The following CRACD variants were observed in gnomAD, a reference collection of about 807,000 sequenced individuals.
CRACD encodes the protein capping protein-inhibiting regulator of actin dynamics.
In CRACD, 56 loss-of-function variants were observed where a neutral mutation model predicts 106.8. That is an observed-to-expected ratio of 0.52 (90% CI 0.42 to 0.66). The LOEUF (loss-of-function observed/expected upper bound fraction) is 0.66, where lower values mean the gene tolerates loss of function less well. Ranked by LOEUF, CRACD falls within the 30% of genes least tolerant of loss-of-function variation. The pLI is 0.00. For missense variants in CRACD, 1,730 were observed against 1,623.2 expected (o/e 1.07, Z -1.13); for synonymous variants, 754 against 670.8 (o/e 1.12, Z -1.92).
intron 2 of CRACD, among the ~76,000 whole-genome samples, chr4:56,201,573 C>T (rs752425675): frequency 4.6e-5 from 7 of 152,062 alleles, no homozygotes; most frequent in East Asian, 3.9e-4. Context: ...GGAAAATAGA[C>T]GGTGGGTATG....
intron 1 of CRACD, among the ~76,000 whole-genome samples, chr4:56,099,208 T>C (rs750244259): frequency 3.9e-5 from 6 of 152,182 alleles, no homozygotes; most frequent in Non-Finnish European, 5.9e-5. Flanking sequence ...ACATGGAAGA[T>C]GTTGGTACAC....
At chr4:56,177,853 A>G (rs991243605) in intron 1 of CRACD, among the ~76,000 whole-genome samples, 5 of 151,880 alleles carry the variant, frequency 3.3e-5, no homozygotes, top group Non-Finnish European at 5.9e-5. Flanking sequence ...ACCTGTTGTA[A>G]TGCCTTCTTT....
chr4:56,057,693 C>T (rs1732124957), intron 1 of CRACD, among the ~76,000 whole-genome samples: 1 of 147,168 alleles, frequency 6.8e-6, no homozygotes, highest in Non-Finnish European at 1.5e-5. Context: ...GGCACAGTCT[C>T]AGCTCACTGC....
intron 1 of CRACD, among the ~76,000 whole-genome samples, chr4:56,071,793 C>T (rs1294342731): frequency 6.6e-6 from 1 of 151,356 alleles, no homozygotes; most frequent in African/African-American, 2.4e-5. Flanking sequence ...TTACAGGCTT[C>T]AGCCACTGCG....
At chr4:56,058,504 C>G (rs1278908405) in intron 1 of CRACD, among the ~76,000 whole-genome samples, 2 of 152,178 alleles carry the variant, frequency 1.3e-5, no homozygotes. Context: ...CCGTGAGTGA[C>G]TGTTTCTTAA....
At chr4:56,106,410 AC>A (rs1733951364) in intron 1 of CRACD, among the ~76,000 whole-genome samples, 2 of 152,334 alleles carry the variant, frequency 1.3e-5, no homozygotes, top group South Asian at 4.1e-4. Flanking sequence ...AACTCTGGAG[AC>A]TGCTAGTGTT....
intron 2 of CRACD, among the ~76,000 whole-genome samples, chr4:56,202,355 T>A (rs1367860436): frequency 6.6e-6 from 1 of 152,210 alleles, no homozygotes; most frequent in Non-Finnish European, 1.5e-5. Flanking sequence ...CAAGTGATTC[T>A]CTTGCCTCGG....
At chr4:56,247,077 C>A (rs1740724387) in intron 2 of CRACD, among the ~76,000 whole-genome samples, 1 of 152,156 alleles carries the variant, frequency 6.6e-6, no homozygotes, top group Non-Finnish European at 1.5e-5. Context: ...TGTGGTATTA[C>A]TAGGACAAGG....
chr4:56,241,523 T>C (rs1740365922), intron 2 of CRACD, among the ~76,000 whole-genome samples: 1 of 152,120 alleles, frequency 6.6e-6, no homozygotes, highest in Non-Finnish European at 1.5e-5. Context: ...TTTCTCTTAT[T>C]CATTTAATAA....
chr4:56,271,747 T>G (rs1742359791), intron 2 of CRACD, among the ~76,000 whole-genome samples: 1 of 152,008 alleles, frequency 6.6e-6, no homozygotes, highest in Admixed American at 6.6e-5. Flanking sequence ...TTTATTTTAT[T>G]TATTTATTTA....
chr4:56,197,876 A>C (rs530384537), intron 2 of CRACD, among the ~76,000 whole-genome samples: 66 of 152,056 alleles, frequency 4.3e-4, no homozygotes, highest in African/African-American at 1.6e-3. Context: ...ACGGGGTTTC[A>C]CCGTGTTAGC....
intron 2 of CRACD, among the ~76,000 whole-genome samples, chr4:56,218,451 C>T (rs1334226167): frequency 1.5e-5 from 2 of 135,538 alleles, no homozygotes; most frequent in Non-Finnish European, 1.6e-5. Context: ...CCATCCCCTC[C>T]CTTTCCTTCC....
intron 2 of CRACD, among the ~76,000 whole-genome samples, chr4:56,258,539 A>G (rs765136555): frequency 2.6e-5 from 4 of 152,192 alleles, no homozygotes; most frequent in African/African-American, 4.8e-5. Context: ...GGAGTTCCCT[A>G]TGTCTAGTTG....
intron 1 of CRACD, among the ~76,000 whole-genome samples, chr4:56,085,083 G>A (rs986965694): frequency 6.6e-6 from 1 of 152,088 alleles, no homozygotes; most frequent in East Asian, 1.9e-4. Flanking sequence ...TGGAGTATGG[G>A]CGTTTGGCAT....
chr4:56,122,015 A>C (rs952759921), intron 1 of CRACD, among the ~76,000 whole-genome samples: 4 of 152,138 alleles, frequency 2.6e-5, no homozygotes, highest in African/African-American at 9.7e-5. Flanking sequence ...TTCATGTTTT[A>C]AAATTCTCTA....
chr4:56,289,396 G>A (rs1451942348), intron 3 of CRACD, among the ~76,000 whole-genome samples: 1 of 152,196 alleles, frequency 6.6e-6, no homozygotes, highest in Admixed American at 6.5e-5. Flanking sequence ...ACTGGGCTGG[G>A]CATGGCGGTT....
Position 56,313,324 on chromosome 4 carries a change from TG to T in CRACD, c.484del (p.Ala162LeufsTer87). The stretch of plus-strand genomic sequence containing the variant: ...GACAACAGTGCCGCCAAGCACAAGC[TG>T]GCTGTTAAGCCAAAAAAACAGAGGG... ...RLDNSAAKHKLAVKPKKQRVS... is the reference protein window; with the variant it reads ...RLDNSAAKHKXAVKPKKQRVS... On this transcript the variant is annotated frameshift_variant, in exon 7 of 11. Coordinates refer to ENST00000682029, the MANE Select transcript of CRACD (RefSeq NM_001393381.1). LOFTEE classifies it high-confidence loss of function. 1 of 1,614,214 alleles carries T rather than the reference TG, an allele frequency of 6.2e-7. No homozygotes were observed. The highest frequency in any genetic ancestry group is 1.1e-5 in the South Asian group (1 of 91,088).
intron 5 of CRACD, among the ~76,000 whole-genome samples, chr4:56,308,606 T>C (rs185156796): frequency 6.6e-6 from 1 of 152,174 alleles, no homozygotes; most frequent in East Asian, 1.9e-4. Flanking sequence ...TGATGTGTCA[T>C]GAGAGTAGTG....
intron 2 of CRACD, among the ~76,000 whole-genome samples, chr4:56,260,606 A>C (rs1741636259): frequency 6.6e-6 from 1 of 152,222 alleles, no homozygotes; most frequent in African/African-American, 2.4e-5. Flanking sequence ...GAAAGTCCAC[A>C]GTCAGTTGAC....
Sources: gnomAD v4.1 joint callset for allele counts (sites outside exome capture counted in the v4.1 genomes callset) on GRCh38, gnomAD v4.1.1 for gene constraint, MANE v1.5 for transcripts, NCBI Gene and HGNC (gene_info 2026-07-23, HGNC 2026-07-21) for gene names.